Variants in ASAP1 observed in about 807,000 individuals in gnomAD.
ASAP1 encodes the protein arf-GAP with SH3 domain, ANK repeat and PH domain-containing protein 1.
In ASAP1, 43 loss-of-function variants were observed where a neutral mutation model predicts 145.2. That is an observed-to-expected ratio of 0.30 (90% CI 0.23 to 0.38). The LOEUF is 0.38. Among genes scored for constraint, ASAP1 ranks in the 10% least tolerant of loss-of-function variants. ASAP1 has a pLI of 1.00. For synonymous variants in ASAP1, 546 were observed against 515.5 expected (o/e 1.06, Z -0.80); for missense variants, 1,018 against 1,355.3 (o/e 0.75, Z 3.91).
chr8:130,418,568 AAAT>A (rs1829585128), intron 1 of ASAP1, among the ~76,000 whole-genome samples: 1 of 149,188 alleles, frequency 6.7e-6, no homozygotes, highest in Non-Finnish European at 1.5e-5. Flanking sequence ...ATAAATAAAT[AAAT>A]AAAATAAAGT....
chr8:130,175,200 G>C (rs1164845049), intron 9 of ASAP1, among the ~76,000 whole-genome samples: 1 of 152,018 alleles, frequency 6.6e-6, no homozygotes, highest in African/African-American at 2.4e-5. Flanking sequence ...ACCTTTTCAC[G>C]TGTTTTTCTG....
At chr8:130,297,398 T>C (rs980519838) in intron 3 of ASAP1, among the ~76,000 whole-genome samples, 1 of 152,188 alleles carries the variant, frequency 6.6e-6, no homozygotes, top group Admixed American at 6.5e-5. Context: ...AAAATCCACA[T>C]ATAAGTGGAC....
At chr8:130,396,368 G>A (rs1367118011) in intron 2 of ASAP1, among the ~76,000 whole-genome samples, 1 of 152,112 alleles carries the variant, frequency 6.6e-6, no homozygotes, top group Non-Finnish European at 1.5e-5. Flanking sequence ...AATTTTAAAG[G>A]CAGGGAGGGA....
chr8:130,422,880 G>T (rs1829776972), intron 1 of ASAP1, among the ~76,000 whole-genome samples: 2 of 152,152 alleles, frequency 1.3e-5, no homozygotes, highest in Non-Finnish European at 2.9e-5. Context: ...TCTTAACATG[G>T]AATGATAAAG....
At chr8:130,255,685 A>C (rs186068320) in intron 3 of ASAP1, among the ~76,000 whole-genome samples, 45 of 152,342 alleles carry the variant, frequency 3.0e-4, no homozygotes, top group African/African-American at 1.1e-3. Context: ...GTTTAAAAAT[A>C]TGATTATGAA....
intron 23 of ASAP1, among the ~76,000 whole-genome samples, chr8:130,113,236 C>G (rs938886839): frequency 6.6e-6 from 1 of 152,220 alleles, no homozygotes; most frequent in Admixed American, 6.5e-5. Context: ...CTGCCTCTCC[C>G]CACCCAGCCA....
intron 2 of ASAP1, among the ~76,000 whole-genome samples, chr8:130,393,725 C>T (rs911181320): frequency 1.3e-5 from 2 of 152,194 alleles, no homozygotes; most frequent in Admixed American, 6.5e-5. Context: ...CACTGCACTC[C>T]AGACTGGGTG....
At chr8:130,340,706 T>C (rs781593596) in intron 3 of ASAP1, 2 of 292,908 alleles carry the variant, frequency 6.8e-6, no homozygotes, top group Non-Finnish European at 1.4e-5. Flanking sequence ...AGTTGTGCAA[T>C]TTGGGCATTT....
intron 4 of ASAP1, among the ~76,000 whole-genome samples, chr8:130,214,986 C>T (rs191891232): frequency 8.5e-4 from 130 of 152,058 alleles, no homozygotes; most frequent in East Asian, 1.8e-3. Context: ...CTGCACCCTC[C>T]GCCTCCCAGG....
At chr8:130,173,069 G>T (rs760706205) in intron 9 of ASAP1, among the ~76,000 whole-genome samples, 6 of 152,048 alleles carry the variant, frequency 3.9e-5, no homozygotes, top group Non-Finnish European at 7.4e-5. Context: ...TTTTCTTAAG[G>T]ATATCACGTA....
At chr8:130,201,491 A>C (rs1223755289) in intron 5 of ASAP1, among the ~76,000 whole-genome samples, 2 of 152,252 alleles carry the variant, frequency 1.3e-5, no homozygotes. Context: ...TATCTAATTC[A>C]ATTTAGTAAA....
At chr8:130,404,172 T>C (rs1828925207) in intron 1 of ASAP1, among the ~76,000 whole-genome samples, 1 of 152,242 alleles carries the variant, frequency 6.6e-6, no homozygotes, top group Admixed American at 6.5e-5. Context: ...AACTCTACAA[T>C]GCCCGGCACA....
intron 3 of ASAP1, among the ~76,000 whole-genome samples, chr8:130,315,775 G>T (rs1384810856): frequency 6.6e-6 from 1 of 152,068 alleles, no homozygotes; most frequent in Non-Finnish European, 1.5e-5. Flanking sequence ...AAATGCAAAA[G>T]AAAAAAAGCA....
chr8:130,441,179 T>G (rs1468442403), intron 1 of ASAP1, among the ~76,000 whole-genome samples: 2 of 152,240 alleles, frequency 1.3e-5, no homozygotes, highest in African/African-American at 4.8e-5. Context: ...TTTGCAGGAC[T>G]GGCACCTCCC....
At chr8:130,279,831 C>A (rs891568697) in intron 3 of ASAP1, among the ~76,000 whole-genome samples, 3 of 152,148 alleles carry the variant, frequency 2.0e-5, no homozygotes, top group Admixed American at 6.6e-5. Flanking sequence ...TAGTTAGGGG[C>A]GTCCATAACT....
chr8:130,160,136 C>A, intron 11 of ASAP1, 172 bp from the exon 12 acceptor site: 1 of 595,248 alleles, frequency 1.7e-6, no homozygotes, highest in Non-Finnish European at 3.0e-6. Context: ...CAGCTAAACA[C>A]TTGCCAGAGT....
At chr8:130,242,307 A>G (rs1024130295) in intron 3 of ASAP1, among the ~76,000 whole-genome samples, 2 of 141,744 alleles carry the variant, frequency 1.4e-5, no homozygotes, top group Non-Finnish European at 3.1e-5. Context: ...TTTTTAACTC[A>G]CTTGGAAAAA....
intron 1 of ASAP1, among the ~76,000 whole-genome samples, chr8:130,417,522 T>C (rs889704646): frequency 6.6e-6 from 1 of 151,944 alleles, no homozygotes; most frequent in Non-Finnish European, 1.5e-5. Flanking sequence ...TCAGAGATTG[T>C]TGTGAAAAGG....
At chr8:130,190,575 T>C (rs1403026873) in intron 5 of ASAP1, among the ~76,000 whole-genome samples, 1 of 152,186 alleles carries the variant, frequency 6.6e-6, no homozygotes, top group African/African-American at 2.4e-5. Context: ...TGGAGTGCAG[T>C]GGCATGATCT....
Sources: allele counts gnomAD v4.1 joint callset (sites outside exome capture counted in the v4.1 genomes callset), GRCh38; gene constraint gnomAD v4.1.1; transcripts MANE v1.5; gene names NCBI Gene and HGNC (gene_info 2026-07-23, HGNC 2026-07-21).